Variants in MSL2 observed in about 807,000 individuals in gnomAD.
MSL2 encodes MSL complex subunit 2, also known as E3 ubiquitin-protein ligase MSL2.
In MSL2, 2 loss-of-function variants were observed where a neutral mutation model predicts 35.8. The observed-to-expected ratio is 0.06, with a 90% CI of 0.02 to 0.18. MSL2 has a LOEUF of 0.18. MSL2 is among the 10% of genes least tolerant of loss of function. The pLI, the probability that MSL2 is intolerant of heterozygous loss-of-function variation, is 1.00. For missense variants in MSL2, 523 were observed against 706.7 expected (o/e 0.74, Z 2.95); for synonymous variants, 296 against 255.7 (o/e 1.16, Z -1.50).
chr3:136,173,532 T>C (rs561103246), intron 1 of MSL2, among the ~76,000 whole-genome samples: 28 of 152,292 alleles, frequency 1.8e-4, no homozygotes, highest in African/African-American at 6.3e-4. Context: ...CCATATCCAA[T>C]TGTTCTCCCT....
intron 1 of MSL2, among the ~76,000 whole-genome samples, chr3:136,190,542 CA>C (rs10684427): frequency 3.0e-3 from 360 of 119,884 alleles, no homozygotes; most frequent in Admixed American, 2.8e-3. Flanking sequence ...AAGATTGTCT[CA>C]AAAAAAAAAA....
At chr3:136,160,779 T>C (rs1431709285) in intron 1 of MSL2, among the ~76,000 whole-genome samples, 5 of 151,632 alleles carry the variant, frequency 3.3e-5, no homozygotes, top group Admixed American at 3.3e-4. Flanking sequence ...TGAATAAACA[T>C]TTCACCAAAG....
intron 1 of MSL2, among the ~76,000 whole-genome samples, chr3:136,166,129 C>T (rs1053271323): frequency 6.7e-5 from 10 of 148,896 alleles, no homozygotes; most frequent in African/African-American, 2.5e-4. Flanking sequence ...TGGCTCACAC[C>T]TGTAATCCCA....
chr3:136,151,511 T>C lies in MSL2; in HGVS notation c.1370A>G (p.Gln457Arg). The change falls in exon 2 of 2, where the codon CAG becomes CGG. Residue 457 changes from glutamine (Q) to arginine (R), a missense_variant. Gln to Arg is a conservative substitution (Grantham distance 43). This residue lies in a region of MSL2 where 361 missense variants were observed against 414.6 expected (regional missense o/e 0.87). Coordinates refer to ENST00000309993, the MANE Select transcript of MSL2 (RefSeq NM_018133.4). This position sits in a 1 kb window ranked among gnomAD's most constrained non-coding sequence, Gnocchi z 5.2. The part of the protein sequence containing the change: ...SPTKTVYKKP[Q>R]EKKGCKCGRA... ...CCCACATTTACACCCTTTCTTTTCC[T>C]GGGGTTTTTTGTACACAGTCTTGGT... The C allele has an allele frequency of 6.2e-7, 1 of 1,614,198 alleles. No individual in the cohort carries two copies. Among genetic ancestry groups the C allele is most frequent in the Non-Finnish European group, 8.5e-7 (1 of 1,180,032 alleles).
At position 136,192,650 on chromosome 3, in the gene MSL2, G is replaced by A. The variant is rs1459865887; in HGVS notation, c.142+2322C>T. Among the ~76,000 whole-genome samples, 5 of 152,120 alleles carry A rather than the reference G, an allele frequency of 3.3e-5. No homozygotes were observed. The South Asian group carries it at 6.2e-4, about 19-fold the overall frequency. ...GACAAAAATATCAATCCAGTTAAAA[G>A]AGAATTATGTAAAACCACAGTTGAA... On this transcript the variant is annotated intron_variant, in intron 1 of 1. Coordinates refer to ENST00000309993, the MANE Select transcript of MSL2 (RefSeq NM_018133.4).
chr3:136,183,032 A>G (rs1269414494), intron 1 of MSL2, among the ~76,000 whole-genome samples: 2 of 152,190 alleles, frequency 1.3e-5, no homozygotes, highest in South Asian at 2.1e-4. Flanking sequence ...AGGATCAAAC[A>G]GTCTCCAAGT....
intron 1 of MSL2, among the ~76,000 whole-genome samples, chr3:136,190,731 G>A (rs1940662982): frequency 6.6e-6 from 1 of 151,980 alleles, no homozygotes; most frequent in Non-Finnish European, 1.5e-5. Context: ...AAATCCTTAG[G>A]CCAAAACTTA....
chr3:136,151,253 G>C lies in MSL2; in HGVS notation c.1628C>G (p.Thr543Ser), dbSNP rs756179608. ...GGACCCTGTGACATTTATTACACTG[G>C]TGCTGGTACTAGCGTTACGCACAGC... ...SIAVRNASTS[T>S]SVINVTGSPV... The change falls in exon 2 of 2, where the codon ACC (threonine) becomes AGC (serine). Residue 543 changes from threonine (T) to serine (S), a missense_variant. Coordinates refer to ENST00000309993, the MANE Select transcript of MSL2 (RefSeq NM_018133.4). The surrounding 1 kb of genome is among the most constrained non-coding windows in gnomAD (Gnocchi z 5.2). The C allele has an allele frequency of 3.0e-5, 49 of 1,614,074 alleles. No individual in the cohort carries two copies. The highest frequency in any genetic ancestry group is 4.2e-5 in the Non-Finnish European group (49 of 1,180,048).
At chr3:136,173,651 T>C (rs775350393) in intron 1 of MSL2, among the ~76,000 whole-genome samples, 4 of 152,222 alleles carry the variant, frequency 2.6e-5, no homozygotes, top group Non-Finnish European at 4.4e-5. Context: ...TTTCGAGTTT[T>C]CTAGCTTATC....
intron 1 of MSL2, among the ~76,000 whole-genome samples, chr3:136,162,880 C>A (rs570161451): frequency 1.3e-5 from 2 of 152,102 alleles, no homozygotes; most frequent in East Asian, 1.9e-4. Flanking sequence ...TCAGTAACCA[C>A]ACTGTTGGCG....
At chr3:136,172,756 G>A (rs1940062680) in intron 1 of MSL2, among the ~76,000 whole-genome samples, 1 of 151,998 alleles carries the variant, frequency 6.6e-6, no homozygotes, top group Non-Finnish European at 1.5e-5. Context: ...AAATGTGTAC[G>A]TCTTCAGTTC....
At chr3:136,180,993 TAAA>T (rs550242990) in intron 1 of MSL2, among the ~76,000 whole-genome samples, 1 of 126,994 alleles carries the variant, frequency 7.9e-6, no homozygotes, top group East Asian at 2.3e-4. Context: ...CTCTATTAAA[TAAA>T]AAAAAAAAAA....
intron 1 of MSL2, among the ~76,000 whole-genome samples, chr3:136,178,406 T>TG (rs1940242668): frequency 6.6e-6 from 1 of 152,194 alleles, no homozygotes; most frequent in Non-Finnish European, 1.5e-5. Context: ...AAATTGGTGT[T>TG]GCACGGAACC....
chr3:136,194,585 C>G (rs994413691), intron 1 of MSL2: 3 of 349,496 alleles, frequency 8.6e-6, no homozygotes, highest in Non-Finnish European at 1.3e-5. Flanking sequence ...CATGTGCCCA[C>G]ATGTGCATGT....
chr3:136,195,613 C>T lies in MSL2; in HGVS notation c.-500G>A. On this transcript the variant is annotated 5_prime_UTR_variant, in exon 1 of 2. Coordinates refer to ENST00000309993, the MANE Select transcript of MSL2 (RefSeq NM_018133.4). ...CCAGTACAGGGCGCGGAGGCGGCGG[C>T]GACGGCAAGGACGACGGTCGGGCAG... is the stretch of plus-strand genomic sequence containing the variant. The T allele has an allele frequency of 1.0e-6, 1 of 980,600 alleles. No individual in the cohort carries two copies. The highest frequency in any genetic ancestry group is 1.2e-6 in the Non-Finnish European group (1 of 825,270). 60.7% of individuals were successfully genotyped at this position (980,600 alleles called of 1,614,324 possible).
At chr3:136,187,410 C>T (rs752420193) in intron 1 of MSL2, among the ~76,000 whole-genome samples, 1 of 152,110 alleles carries the variant, frequency 6.6e-6, no homozygotes, top group African/African-American at 2.4e-5. Context: ...CGCCTGTAAT[C>T]CTAGCACTTT....
At chr3:136,183,491 C>G (rs758592029) in intron 1 of MSL2, among the ~76,000 whole-genome samples, 1 of 152,032 alleles carries the variant, frequency 6.6e-6, no homozygotes, top group Non-Finnish European at 1.5e-5. Context: ...GGCACGACCT[C>G]GATCACTGCA....
intron 1 of MSL2, 48 bp from the exon 2 acceptor site, chr3:136,152,786 C>G (rs367847791): frequency 2.5e-6 from 4 of 1,577,542 alleles, no homozygotes; most frequent in African/African-American, 1.4e-5. Flanking sequence ...AATAAATTTA[C>G]CATTTCATAA....
chr3:136,163,496 A>G (rs1262368957), intron 1 of MSL2, among the ~76,000 whole-genome samples: 2 of 152,206 alleles, frequency 1.3e-5, no homozygotes, highest in East Asian at 1.9e-4. Context: ...TCTTGGACAA[A>G]TGGCTAATTT....
Sources: gnomAD v4.1 joint callset for allele counts (sites outside exome capture counted in the v4.1 genomes callset) on GRCh38, gnomAD v4.1.1 for gene constraint, gnomAD v4.1.1 regional missense constraint, Gnocchi (gnomAD v3.1) non-coding constraint, MANE v1.5 for transcripts, NCBI Gene and HGNC (gene_info 2026-07-23, HGNC 2026-07-21) for gene names.